The following BTBD7 variants were observed in gnomAD, a reference collection of about 807,000 sequenced individuals.
BTBD7 encodes BTB/POZ domain-containing protein 7.
Under a neutral mutation model 99.9 loss-of-function variants are expected in BTBD7, and 38 were observed. That is an observed-to-expected ratio of 0.38 (90% confidence interval 0.29 to 0.50). The LOEUF (loss-of-function observed/expected upper bound fraction) is 0.50. Ranked by LOEUF, BTBD7 falls within the 20% of genes least tolerant of loss-of-function variation. The pLI is 0.93. For missense variants in BTBD7, 1,170 were observed against 1,394.6 expected, an observed-to-expected ratio of 0.84 and a Z score of 2.57; for synonymous variants, 520 against 511.4, an observed-to-expected ratio of 1.02 and a Z score of -0.23.
chr14:93,302,944 T>C (rs1005142605), intron 1 of BTBD7, among the ~76,000 whole-genome samples: 1 of 152,020 alleles, frequency 6.6e-6, no homozygotes, highest in East Asian at 1.9e-4. Flanking sequence ...GGCCTAGAGA[T>C]TGAGGTTGCA....
intron 7 of BTBD7, 34 bp from the exon 8 acceptor site, chr14:93,251,686 C>T (rs764926394): frequency 1.4e-6 from 2 of 1,470,596 alleles, no homozygotes; most frequent in East Asian, 2.4e-5. Flanking sequence ...CAAAACCAGT[C>T]AACCTTCCTC....
At position 93,238,649 on chromosome 14, in the gene BTBD7, T is replaced by C. The variant is rs2052187493; in HGVS notation, c.*3624A>G. On this transcript the variant is annotated 3_prime_UTR_variant, in exon 11 of 11. Transcript: ENST00000334746. The stretch of plus-strand genomic sequence containing the variant: ...TACAAGTGTTTCATGAAACATTGTT[T>C]TCCTAAAAGGCAAATTCAACATTAT... 1 of 152,272 alleles carries C rather than the reference T, an allele frequency of 6.6e-6. No individual in the cohort carries two copies. 9.4% of individuals were successfully genotyped at this position (152,272 alleles called of 1,614,324 possible).
Position 93,332,806 on chromosome 14 carries a change from C to G in BTBD7, c.-107+14G>C. 6.8e-7 allele frequency: 1 copy of G among 1,476,984 alleles called. No homozygotes were observed. The highest frequency in any genetic ancestry group is 3.0e-5 in the East Asian group (1 of 33,440). The allele number at this position is 1,476,984 out of a possible 1,614,324, so 91.5% of individuals were successfully genotyped here. A position where few individuals can be genotyped will look rare whatever the true frequency, so the allele number is the denominator to read the frequency against. Reference sequence around the variant, plus strand: ...CTCGGCTCCACAGCCTCAGAGACACCAAGGGACACTCACCCCGGAGGCTCC... The same window carrying G: ...CTCGGCTCCACAGCCTCAGAGACACGAAGGGACACTCACCCCGGAGGCTCC... On this transcript the variant is annotated intron_variant, in intron 1 of 10. Coordinates refer to ENST00000334746, the MANE Select transcript of BTBD7 (RefSeq NM_001002860.4).
In BTBD7 at chr14:93,296,046, A is replaced by T. The variant is rs777490593; in HGVS notation, c.6T>A (p.Gly2=). Residue 2 remains glycine (G), a synonymous_variant, in exon 2 of 11, where the codon GGT becomes GGA. Coordinates refer to ENST00000334746, the MANE Select transcript of BTBD7 (RefSeq NM_001002860.4). ...AATGAGGATAATTAGATGCATTAGC[A>T]CCCATTTTCTTCAGTCACTCAGGCA... M[G]ANASNYPHSC... 3.7e-6 allele frequency: 6 copies of T among 1,613,548 alleles called. No individual in the cohort carries two copies. The East Asian group carries it at 1.3e-4, about 36-fold the overall frequency.
In BTBD7 at chr14:93,248,452, A is replaced by C. The variant is rs777678403; in HGVS notation, c.2121+24T>G. The C allele has an allele frequency of 2.5e-6, 4 of 1,609,526 alleles. No individual in the cohort carries two copies. The East Asian group carries it at 6.7e-5, about 27-fold the overall frequency. ...TCTGGTGACTGAGGCTCCCTATTTT[A>C]AACAGTTTAATGTCATTTCCTACCT... On this transcript the variant is annotated intron_variant, in intron 9 of 10. Coordinates refer to ENST00000334746, the MANE Select transcript of BTBD7 (RefSeq NM_001002860.4).
At chr14:93,265,315 C>T (rs1284600381) in intron 3 of BTBD7, among the ~76,000 whole-genome samples, 1 of 152,144 alleles carries the variant, frequency 6.6e-6, no homozygotes, top group Non-Finnish European at 1.5e-5. Context: ...TGATACGCTA[C>T]CAGATGAGGA....
At chr14:93,295,518 C>T (rs2052914808) in intron 2 of BTBD7, among the ~76,000 whole-genome samples, 1 of 152,096 alleles carries the variant, frequency 6.6e-6, no homozygotes. Flanking sequence ...CCCTGGCTAT[C>T]AAAGGACATT....
intron 3 of BTBD7, among the ~76,000 whole-genome samples, chr14:93,272,951 C>T (rs2052615864): frequency 6.6e-6 from 1 of 152,066 alleles, no homozygotes; most frequent in South Asian, 2.1e-4. Context: ...GGGATACTTA[C>T]TGACTAAATG....
At chr14:93,286,104 T>C (rs2052774090) in intron 3 of BTBD7, among the ~76,000 whole-genome samples, 1 of 152,158 alleles carries the variant, frequency 6.6e-6, no homozygotes, top group South Asian at 2.1e-4. Context: ...TGGCCTTCTC[T>C]CCTTTTCCAC....
chr14:93,303,069 T>TA (rs2139787656), intron 1 of BTBD7, among the ~76,000 whole-genome samples: 1 of 152,196 alleles, frequency 6.6e-6, no homozygotes, highest in South Asian at 2.1e-4. Context: ...CGGAACACAA[T>TA]AGAGGAACTA....
intron 1 of BTBD7, chr14:93,332,423 GC>G: frequency 6.5e-6 from 1 of 154,006 alleles, no homozygotes; most frequent in Non-Finnish European, 1.4e-5. Flanking sequence ...GTAAACACGC[GC>G]CCCCGTCTCG....
Position 93,238,429 on chromosome 14 carries a change from T to C in BTBD7, c.*3844A>G, listed in dbSNP as rs966085698. The C allele has an allele frequency of 5.2e-5, 8 of 152,614 alleles. No individual in the cohort carries two copies. The highest frequency in any genetic ancestry group is 1.9e-4 in the African/African-American group (8 of 41,458). 9.5% of individuals were successfully genotyped at this position (152,614 alleles called of 1,614,324 possible). A position where few individuals can be genotyped will look rare whatever the true frequency, so the allele number is the denominator to read the frequency against. On this transcript the variant is annotated 3_prime_UTR_variant, in exon 11 of 11. Coordinates refer to ENST00000334746, the MANE Select transcript of BTBD7 (RefSeq NM_001002860.4). Reference sequence around the variant, plus strand: ...AGTCTTTTAGTAAGATTATCTGTAATGAGGTTTGAAAGTAAATCACTTAGT... The same window carrying C: ...AGTCTTTTAGTAAGATTATCTGTAACGAGGTTTGAAAGTAAATCACTTAGT...
At chr14:93,322,551 G>T (rs2053281784) in intron 1 of BTBD7, among the ~76,000 whole-genome samples, 1 of 152,108 alleles carries the variant, frequency 6.6e-6, no homozygotes, top group South Asian at 2.1e-4. Context: ...ACAGAAGAGA[G>T]ATCTTGGCTT....
rs758664842 is a variant in BTBD7 at position 93,257,241 on chromosome 14, C to T, written c.1562G>A (p.Arg521Gln). Residue 521 changes from arginine (R) to glutamine (Q), a missense_variant, in exon 6 of 11, where the codon CGA (arginine) becomes CAA (glutamine). This residue lies in a region of BTBD7 where 309 missense variants were observed against 342.0 expected (regional missense o/e 0.90). Coordinates refer to ENST00000334746, the MANE Select transcript of BTBD7 (RefSeq NM_001002860.4). ...GTTTATAGGTAAGATGTGTTCAATTCGCACAAAAGGTAAGAGAGAAGAAAG... is the reference window on the plus strand; with the variant it reads ...GTTTATAGGTAAGATGTGTTCAATTTGCACAAAAGGTAAGAGAGAAGAAAG... The part of the protein sequence containing the change: ...EILSSLLPFV[R>Q]IEHILPINSE... The T allele has an allele frequency of 8.7e-6, 14 of 1,613,996 alleles. 1 individual carries two copies. The highest frequency in any genetic ancestry group is 1.1e-5 in the Non-Finnish European group (13 of 1,179,996).
chr14:93,332,601 C>T (rs989870527), intron 1 of BTBD7, among the ~76,000 whole-genome samples: 4 of 151,654 alleles, frequency 2.6e-5, no homozygotes, highest in African/African-American at 9.7e-5. Flanking sequence ...GCCCGCCCCT[C>T]GGAGCGCACA....
At chr14:93,264,115 A>C in intron 3 of BTBD7, 122 bp from the exon 4 acceptor site, 1 of 840,182 alleles carries the variant, frequency 1.2e-6, no homozygotes, top group Non-Finnish European at 1.8e-6. Flanking sequence ...GATAAATAAA[A>C]TCTCATGAAA....
chr14:93,332,795 C>T (rs1221448369), intron 1 of BTBD7, 25 bp downstream of exon 1: 30 of 1,474,016 alleles, frequency 2.0e-5, no homozygotes, highest in Non-Finnish European at 2.4e-5. Context: ...GCTCCACAGC[C>T]TCAGAGACAC....
Position 93,252,047 on chromosome 14 carries a change from T to C in BTBD7, c.1753-395A>G, listed in dbSNP as rs1356422685. ...AATCAGGGCCGGGCGTGGTGACTCA[T>C]GCCTGTAATCCCAGCACTTTGGGAG... On this transcript the variant is annotated intron_variant, in intron 7 of 10. Coordinates refer to ENST00000334746, the MANE Select transcript of BTBD7 (RefSeq NM_001002860.4). Among the ~76,000 whole-genome samples, 4 of 152,112 alleles carry C rather than the reference T, an allele frequency of 2.6e-5. No individual in the cohort carries two copies. In the East Asian group the frequency reaches 7.7e-4, roughly 29 times the overall value.
Position 93,242,618 on chromosome 14 carries a change from G to C in BTBD7, c.3054C>G (p.His1018Gln). 2 of 1,614,190 alleles carry C rather than the reference G, an allele frequency of 1.2e-6. No individual in the cohort carries two copies. Among genetic ancestry groups the C allele is most frequent in the South Asian group, 2.2e-5 (2 of 91,088 alleles). Residue 1018 changes from histidine (H) to glutamine (Q), a missense_variant, in exon 11 of 11, where the codon CAC becomes CAG. His to Gln is a conservative substitution (Grantham distance 24, BLOSUM62 0). Coordinates refer to ENST00000334746, the MANE Select transcript of BTBD7 (RefSeq NM_001002860.4). The part of the protein sequence containing the change: ...EYPLSPDGHL[H>Q]RQKNEPIHLD... ...GGTGTATCGGCTCATTCTTTTGTCT[G>C]TGTAGATGCCCGTCAGGGGAAAGTG...
Sources: gnomAD v4.1 joint callset for allele counts (sites outside exome capture counted in the v4.1 genomes callset) on GRCh38, gnomAD v4.1.1 for gene constraint, gnomAD v4.1.1 regional missense constraint, MANE v1.5 for transcripts, NCBI Gene and HGNC (gene_info 2026-07-23, HGNC 2026-07-21) for gene names.